The following DISC1 variants were observed in gnomAD, a reference collection of about 807,000 sequenced individuals.
The protein encoded by DISC1 is disrupted in schizophrenia 1 protein.
In DISC1, 57 loss-of-function variants were observed where a neutral mutation model predicts 84.5. That is an observed-to-expected ratio of 0.67 (90% confidence interval 0.55 to 0.84). The LOEUF is 0.84. Among genes scored for constraint, DISC1 ranks in the 40% least tolerant of loss-of-function variants. The pLI, the probability that DISC1 is intolerant of heterozygous loss-of-function variation, is 0.00. For synonymous variants in DISC1, 411 were observed against 415.2 expected, an observed-to-expected ratio of 0.99 and a Z score of 0.12; for missense variants, 1,000 against 1,057.8, an observed-to-expected ratio of 0.95 and a Z score of 0.76.
intron 2 of DISC1, among the ~76,000 whole-genome samples, chr1:231,697,564 C>G (rs2125685419): frequency 6.6e-6 from 1 of 151,682 alleles, no homozygotes; most frequent in African/African-American, 2.4e-5. Context: ...CTCAGCCTCC[C>G]TAGTGGCTGG....
intron 6 of DISC1, among the ~76,000 whole-genome samples, chr1:231,794,981 C>T (rs1220638183): frequency 6.6e-6 from 1 of 152,092 alleles, no homozygotes; most frequent in Non-Finnish European, 1.5e-5. Context: ...GGCTGTTCTT[C>T]CCGTTATCAG....
At chr1:231,745,701 C>T (rs1008085477) in intron 3 of DISC1, among the ~76,000 whole-genome samples, 1 of 152,108 alleles carries the variant, frequency 6.6e-6, no homozygotes, top group Non-Finnish European at 1.5e-5. Context: ...CCTTCACTTC[C>T]CCCTACCCTT....
intron 6 of DISC1, among the ~76,000 whole-genome samples, chr1:231,777,314 T>A (rs1558526354): frequency 6.6e-6 from 1 of 152,156 alleles, no homozygotes; most frequent in Non-Finnish European, 1.5e-5. Flanking sequence ...ATTTTACTCC[T>A]GAGCTCAAGT....
chr1:231,694,840 G>A (rs1377470525), intron 2 of DISC1, 35 bp downstream of exon 2: 1 of 1,607,686 alleles, frequency 6.2e-7, no homozygotes, highest in Non-Finnish European at 8.5e-7. Context: ...GCCCGAGATT[G>A]TCGTGAGCTC....
In DISC1 at chr1:231,694,590, G is replaced by A. The variant is rs752258922; in HGVS notation, c.832G>A (p.Ala278Thr). The A allele has an allele frequency of 2.5e-6, 4 of 1,614,234 alleles. No homozygotes were observed. The highest frequency in any genetic ancestry group is 4.5e-5 in the East Asian group (2 of 44,884). ...GGCTACACGGGTCTCTGCAGACTTG[G>A]CCCAGGCCGCAAGGAACAGCTCCAG... ...LLATRVSADLAQAARNSSRPE... is the reference protein window; with the variant it reads ...LLATRVSADLTQAARNSSRPE... The change falls in exon 2 of 13, where the codon GCC (alanine) becomes ACC (threonine). Residue 278 changes from alanine to threonine, a missense_variant. Transcript: ENST00000439617.
At chr1:231,780,581 C>G (rs376238520) in intron 6 of DISC1, among the ~76,000 whole-genome samples, 11 of 131,620 alleles carry the variant, frequency 8.4e-5, no homozygotes, top group East Asian at 4.3e-4. Flanking sequence ...ACTAGTTCAA[C>G]CATTGTGGAA....
chr1:231,676,617 A>C (rs566260141), intron 1 of DISC1, among the ~76,000 whole-genome samples: 1 of 152,336 alleles, frequency 6.6e-6, no homozygotes, highest in African/African-American at 2.4e-5. Context: ...TAGTGTGTTG[A>C]CATGTCTCCT....
intron 9 of DISC1, among the ~76,000 whole-genome samples, chr1:231,903,011 C>T (rs577365337): frequency 6.6e-6 from 1 of 151,972 alleles, no homozygotes; most frequent in East Asian, 1.9e-4. Context: ...TCTTCTTCTT[C>T]TCCTTCTCCT....
intron 9 of DISC1, among the ~76,000 whole-genome samples, chr1:231,942,880 T>C (rs76538023): frequency 6.6e-6 from 1 of 152,312 alleles, no homozygotes; most frequent in Non-Finnish European, 1.5e-5. Context: ...TAACACAGAC[T>C]GCTGGGGTTT....
chr1:231,706,533 G>A (rs2067122559), intron 3 of DISC1, among the ~76,000 whole-genome samples: 1 of 152,148 alleles, frequency 6.6e-6, no homozygotes, highest in African/African-American at 2.4e-5. Flanking sequence ...TGAAAAGGAA[G>A]GAACACAATT....
In DISC1 at chr1:231,643,022, G is replaced by GCT. The variant is rs199935097; in HGVS notation, c.67+16091_67+16092dup. Among the ~76,000 whole-genome samples the GCT allele has an allele frequency of 2.8e-3, 431 of 152,286 alleles. 7 individuals are homozygous for GCT. Among genetic ancestry groups the GCT allele is most frequent in the East Asian group, 9.6e-3 (50 of 5,182 alleles). On this transcript the variant is annotated intron_variant, in intron 1 of 12. Coordinates refer to ENST00000439617, the MANE Select transcript of DISC1 (RefSeq NM_018662.3). The stretch of plus-strand genomic sequence containing the variant: ...ACTGCCTTCCCACCAAACCTTGCCG[G>GCT]CTCTGTAAATTTTCAGAGCTGTCAC...
intron 9 of DISC1, among the ~76,000 whole-genome samples, chr1:231,827,829 A>G (rs1361112724): frequency 6.6e-6 from 1 of 152,186 alleles, no homozygotes; most frequent in African/African-American, 2.4e-5. Context: ...CCCTGAGTGA[A>G]TGCACTGCAA....
intron 11 of DISC1, among the ~76,000 whole-genome samples, chr1:232,020,435 GA>G: frequency 6.6e-6 from 1 of 152,312 alleles, no homozygotes; most frequent in East Asian, 1.9e-4. Flanking sequence ...TGGTTCCTAA[GA>G]CCCCTACCAA....
In DISC1 at chr1:231,800,118, G is replaced by A; in HGVS notation, c.1700G>A (p.Ser567Asn). Residue 567 changes from serine (S) to asparagine (N), a missense_variant, in exon 8 of 13, where the codon AGT (serine) becomes AAT (asparagine). By Grantham distance (46) the Ser-to-Asn change is conservative (BLOSUM62 1). This residue lies in a region of DISC1 where 397 missense variants were observed against 377.5 expected (regional missense o/e 1.05). Transcript: ENST00000439617. The stretch of plus-strand genomic sequence containing the variant: ...TTTCTCTCCCCCTAGGTGTGTATGA[G>A]TGAGAAATTCTGCAGCACCCTGAGG... ...LKEITTKVCMSEKFCSTLRKK... is the reference protein window; with the variant it reads ...LKEITTKVCMNEKFCSTLRKK... 1.2e-6 allele frequency: 2 copies of A among 1,611,022 alleles called. No homozygotes were observed. Among genetic ancestry groups the A allele is most frequent in the Non-Finnish European group, 1.7e-6 (2 of 1,179,430 alleles).
rs1214035527 is a variant in DISC1, at chr1:231,924,694, T to A, written c.1982-34134T>A. Among the ~76,000 whole-genome samples the A allele has an allele frequency of 5.3e-5, 8 of 151,594 alleles. No individual in the cohort carries two copies. In the East Asian group the frequency reaches 1.6e-3, roughly 29 times the overall value. On this transcript the variant is annotated intron_variant, in intron 9 of 12. Coordinates refer to ENST00000439617, the MANE Select transcript of DISC1 (RefSeq NM_018662.3). ...TTTTTTGAGATGGAGTCTCACTCTG[T>A]CGCCCAGGCTGGAGTGCAGTGGCAT... is the stretch of plus-strand genomic sequence containing the variant.
In DISC1 at chr1:231,894,745, TTGTGTGTGTGTGTGTGTG is replaced by T. The variant is rs3222846; in HGVS notation, c.1982-64066_1982-64049del. ...CCTCTACAGATTTGTGTGTCATCTG[TTGTGTGTGTGTGTGTGTG>T]TGTGTGTGTGTGTGTGCATCTTTTT... On this transcript the variant is annotated intron_variant, in intron 9 of 12. Coordinates refer to ENST00000439617, the MANE Select transcript of DISC1 (RefSeq NM_018662.3). Among the ~76,000 whole-genome samples, 135 of 144,606 alleles carry T rather than the reference TTGTGTGTGTGTGTGTGTG, an allele frequency of 9.3e-4. 3 individuals are homozygous for T. The highest frequency in any genetic ancestry group is 7.8e-3 in the Admixed American group (114 of 14,536). 94.9% of individuals were successfully genotyped at this position (144,606 alleles called of 152,430 possible).
intron 7 of DISC1, among the ~76,000 whole-genome samples, chr1:231,798,761 C>G (rs201026039): frequency 6.6e-6 from 1 of 151,988 alleles, no homozygotes; most frequent in African/African-American, 2.4e-5. Flanking sequence ...ACCAAACTGT[C>G]GTCTTCATCC....
At chr1:231,922,170 T>G (rs2090049900) in intron 9 of DISC1, among the ~76,000 whole-genome samples, 1 of 152,154 alleles carries the variant, frequency 6.6e-6, no homozygotes, top group African/African-American at 2.4e-5. Context: ...GACTAAAGAA[T>G]AGCATGAATG....
In DISC1 at chr1:231,929,265, G is replaced by A. The variant is rs59664235; in HGVS notation, c.1982-29563G>A. On this transcript the variant is annotated intron_variant, in intron 9 of 12. Transcript: ENST00000439617. ...CCTGTATTGGGTGCAGATATATTTA[G>A]GATAGTTAGCTCTTCATGGAGGCAA... 4.0e-3 allele frequency among the ~76,000 whole-genome samples: 610 copies of A among 152,142 alleles called. 2 individuals carry two copies. The highest frequency in any genetic ancestry group is 0.014 in the African/African-American group (570 of 41,490).
Sources: allele counts gnomAD v4.1 joint callset (sites outside exome capture counted in the v4.1 genomes callset), GRCh38; gene constraint gnomAD v4.1.1; regional missense constraint gnomAD v4.1.1; transcripts MANE v1.5; gene names NCBI Gene and HGNC (gene_info 2026-07-23, HGNC 2026-07-21).